The following SVOP variants were observed in gnomAD, a reference collection of about 807,000 sequenced individuals.
SVOP encodes the protein SV2 related protein.
In SVOP, 17 loss-of-function variants were observed where a neutral mutation model predicts 69.1. That is an observed-to-expected ratio of 0.25 (90% CI 0.17 to 0.37). The LOEUF (loss-of-function observed/expected upper bound fraction) is 0.37, where lower values mean the gene tolerates loss of function less well. SVOP is among the 10% of genes least tolerant of loss of function. The pLI, the probability that SVOP is intolerant of heterozygous loss-of-function variation, is 1.00. For synonymous variants in SVOP, 238 were observed against 238.6 expected, an observed-to-expected ratio of 1.00 and a Z score of 0.02; for missense variants, 435 against 597.5, an observed-to-expected ratio of 0.73 and a Z score of 2.84.
At chr12:108,934,540 G>A (rs2039844671) in intron 10 of SVOP, among the ~76,000 whole-genome samples, 1 of 152,120 alleles carries the variant, frequency 6.6e-6, no homozygotes, top group African/African-American at 2.4e-5. Flanking sequence ...TCTTGAATAG[G>A]GGTTGGGTAA....
At chr12:109,010,502 C>A (rs1368334383) in intron 1 of SVOP, among the ~76,000 whole-genome samples, 1 of 152,116 alleles carries the variant, frequency 6.6e-6, no homozygotes, top group African/African-American at 2.4e-5. Context: ...GGCCTCCAGA[C>A]TATTGTGGTT....
intron 1 of SVOP, among the ~76,000 whole-genome samples, chr12:109,004,037 C>G (rs1183359393): frequency 6.6e-6 from 1 of 152,044 alleles, no homozygotes; most frequent in Non-Finnish European, 1.5e-5. Flanking sequence ...TTGAATTGTA[C>G]AGTACTCAGA....
At chr12:108,959,121 A>G (rs893898558) in intron 6 of SVOP, among the ~76,000 whole-genome samples, 5 of 152,144 alleles carry the variant, frequency 3.3e-5, no homozygotes, top group African/African-American at 4.8e-5. Flanking sequence ...ATATTGGTGG[A>G]ATAAATGAAT....
rs572764576 is a variant in SVOP at position 108,922,678 on chromosome 12, C to T, written c.1156+12G>A. On this transcript the variant is annotated intron_variant, in intron 12 of 15. Coordinates refer to ENST00000610966, the MANE Select transcript of SVOP (RefSeq NM_018711.5). Reference sequence around the variant, plus strand: ...TTGCCTGACACAGCTTCACCTTGCACAGGTCCCTCACCTGGAAACTCAGAG... The same window carrying T: ...TTGCCTGACACAGCTTCACCTTGCATAGGTCCCTCACCTGGAAACTCAGAG... 75 of 1,588,042 alleles carry T rather than the reference C, an allele frequency of 4.7e-5. 1 individual carries two copies. In the South Asian group the frequency reaches 7.5e-4, roughly 16 times the overall value.
At chr12:108,936,636 C>A (rs1254639234) in intron 10 of SVOP, among the ~76,000 whole-genome samples, 2 of 151,982 alleles carry the variant, frequency 1.3e-5, no homozygotes, top group Non-Finnish European at 2.9e-5. Flanking sequence ...CCTCCACACC[C>A]AGCTAATTTA....
chr12:108,957,721 T>C (rs1316603620), intron 6 of SVOP, among the ~76,000 whole-genome samples: 1 of 152,240 alleles, frequency 6.6e-6, no homozygotes, highest in East Asian at 1.9e-4. Context: ...AAAAGAGGCA[T>C]GGCGACCAGG....
chr12:108,923,296 T>A (rs1042131958), intron 11 of SVOP, among the ~76,000 whole-genome samples: 1 of 152,188 alleles, frequency 6.6e-6, no homozygotes, highest in Admixed American at 6.5e-5. Flanking sequence ...GACTGTCTCT[T>A]ATGCTTTTCC....
chr12:108,920,685 C>T (rs1429491172), intron 12 of SVOP, among the ~76,000 whole-genome samples: 1 of 150,638 alleles, frequency 6.6e-6, no homozygotes, highest in Non-Finnish European at 1.5e-5. Context: ...GCAATCTCCG[C>T]CTCCTGGGTT....
intron 12 of SVOP, among the ~76,000 whole-genome samples, chr12:108,920,625 A>C (rs1593176935): frequency 1.7e-5 from 2 of 119,442 alleles, no homozygotes; most frequent in Admixed American, 1.2e-4. Context: ...ACAGAGCTTC[A>C]CTCTGTCACC....
chr12:108,912,832 C>T (rs1299163271), intron 15 of SVOP, 91 bp from the exon 16 acceptor site: 1 of 1,261,760 alleles, frequency 7.9e-7, no homozygotes, highest in African/African-American at 1.5e-5. Context: ...ATCAGGCCCT[C>T]TCGTGATATC....
chr12:109,004,408 T>C (rs2040292425), intron 1 of SVOP, among the ~76,000 whole-genome samples: 1 of 126,280 alleles, frequency 7.9e-6, no homozygotes, highest in Non-Finnish European at 1.8e-5. Flanking sequence ...CAGGTATTGC[T>C]ACTTTTTTTT....
chr12:108,976,746 G>T (rs1372162945), intron 4 of SVOP, among the ~76,000 whole-genome samples: 1 of 151,954 alleles, frequency 6.6e-6, no homozygotes, highest in Non-Finnish European at 1.5e-5. Flanking sequence ...CTCCCGAGTA[G>T]CTGGGATTAC....
At chr12:108,952,535 C>T (rs1222177453) in intron 6 of SVOP, among the ~76,000 whole-genome samples, 2 of 152,084 alleles carry the variant, frequency 1.3e-5, no homozygotes, top group African/African-American at 4.8e-5. Flanking sequence ...TGTGCCCAGG[C>T]CCCCTACACT....
At chr12:108,964,312 T>C (rs559938118) in intron 5 of SVOP, among the ~76,000 whole-genome samples, 2 of 152,206 alleles carry the variant, frequency 1.3e-5, no homozygotes, top group African/African-American at 4.8e-5. Flanking sequence ...ATTTTTGCAC[T>C]CCTAAATCCA....
At chr12:108,927,991 C>T (rs998370144) in intron 11 of SVOP, among the ~76,000 whole-genome samples, 3 of 151,880 alleles carry the variant, frequency 2.0e-5, no homozygotes, top group Admixed American at 6.6e-5. Flanking sequence ...CTGCAACCTC[C>T]GCCTCCTGGG....
chr12:109,000,233 C>T (rs538178570), intron 1 of SVOP, among the ~76,000 whole-genome samples: 1 of 151,458 alleles, frequency 6.6e-6, no homozygotes, highest in African/African-American at 2.4e-5. Context: ...AATTCCTCGA[C>T]ACATACAGTC....
chr12:108,978,511 TG>T, intron 3 of SVOP, 66 bp downstream of exon 3: 1 of 688,216 alleles, frequency 1.5e-6, no homozygotes, highest in Non-Finnish European at 2.6e-6. Context: ...TTGTAGGCCA[TG>T]GAAACCCAGT....
chr12:108,950,502 C>G (rs377507938), intron 6 of SVOP, among the ~76,000 whole-genome samples: 3 of 152,282 alleles, frequency 2.0e-5, no homozygotes, highest in South Asian at 4.1e-4. Context: ...CCCACCTCAG[C>G]GTCCTGAGTA....
In SVOP at chr12:108,917,064, G is replaced by A. The variant is rs2039718492; in HGVS notation, c.1350+979C>T. 2.0e-5 allele frequency among the ~76,000 whole-genome samples: 3 copies of A among 152,206 alleles called. 1 individual carries two copies. The South Asian group carries it at 6.2e-4, about 32-fold the overall frequency. ...GCCTGGCCTGGGCTCTTTTATAAGT[G>A]AGAAGCTGCTCTCGTATCAAAACCC... On this transcript the variant is annotated intron_variant, in intron 14 of 15. Transcript: ENST00000610966.
Sources: gnomAD v4.1 joint callset for allele counts (sites outside exome capture counted in the v4.1 genomes callset) on GRCh38, gnomAD v4.1.1 for gene constraint, MANE v1.5 for transcripts, NCBI Gene and HGNC (gene_info 2026-07-23, HGNC 2026-07-21) for gene names.